NKAIN1: variants seen among roughly 807,000 people sequenced by gnomAD.
NKAIN1 encodes the protein sodium/potassium transporting ATPase interacting 1.
In NKAIN1, 13 loss-of-function variants were observed where a neutral mutation model predicts 31.6. The observed-to-expected ratio is 0.41, with a 90% CI of 0.27 to 0.65. The LOEUF (loss-of-function observed/expected upper bound fraction) is 0.65, where lower values mean the gene tolerates loss of function less well. Ranked by LOEUF, NKAIN1 falls within the 30% of genes least tolerant of loss-of-function variation. The pLI is 0.30. For synonymous variants in NKAIN1, 104 were observed against 109.0 expected, an observed-to-expected ratio of 0.95 and a Z score of 0.28; for missense variants, 193 against 262.2, an observed-to-expected ratio of 0.74 and a Z score of 1.82.
intron 1 of NKAIN1, among the ~76,000 whole-genome samples, chr1:31,238,706 G>C (rs946402895): frequency 1.3e-5 from 2 of 152,136 alleles, no homozygotes; most frequent in Non-Finnish European, 2.9e-5. Context: ...TGCTGGCCCC[G>C]GCAGAGGAGC....
At chr1:31,230,422 T>C (rs1029855021) in intron 1 of NKAIN1, among the ~76,000 whole-genome samples, 1 of 152,212 alleles carries the variant, frequency 6.6e-6, no homozygotes, top group African/African-American at 2.4e-5. Context: ...CAGTTCCCAG[T>C]CCACCTCCTT....
chr1:31,222,281 C>G (rs1645570729), intron 1 of NKAIN1, among the ~76,000 whole-genome samples: 1 of 152,232 alleles, frequency 6.6e-6, no homozygotes, highest in Non-Finnish European at 1.5e-5. Flanking sequence ...TGGAGACTCC[C>G]TCCAGCTGGA....
chr1:31,195,944 A>G (rs1645323328), intron 1 of NKAIN1, among the ~76,000 whole-genome samples: 1 of 150,118 alleles, frequency 6.7e-6, no homozygotes, highest in African/African-American at 2.4e-5. Flanking sequence ...TATCAGCCTT[A>G]TCTATCTCAA....
At chr1:31,205,580 T>C (rs1490315293) in intron 1 of NKAIN1, among the ~76,000 whole-genome samples, 2 of 150,976 alleles carry the variant, frequency 1.3e-5, no homozygotes. Flanking sequence ...GTGCTGGGAT[T>C]ACAGGCGTGA....
rs1396397069 is a variant in NKAIN1, at chr1:31,232,402, T to C, written c.54+7092A>G. Among the ~76,000 whole-genome samples the C allele has an allele frequency of 1.1e-3, 26 of 23,198 alleles. 1 individual carries two copies. The highest frequency in any genetic ancestry group is 3.0e-3 in the African/African-American group (24 of 7,980). 15.2% of individuals were successfully genotyped at this position (23,198 alleles called of 152,430 possible). A position where few individuals can be genotyped will look rare whatever the true frequency, so the allele number is the denominator to read the frequency against. ...CACCGTGTCTGGCCTACTTCATATA[T>C]ATATATATATATATATATATATAGA... On this transcript the variant is annotated intron_variant, in intron 1 of 6. Transcript: ENST00000373736.
Position 31,181,961 on chromosome 1 carries a change from C to T in NKAIN1, c.533-20G>A, listed in dbSNP as rs774067193. On this transcript the variant is annotated intron_variant, in intron 5 of 6. Coordinates refer to ENST00000373736, the MANE Select transcript of NKAIN1 (RefSeq NM_024522.3). ...AGTCAACTGCGGAAGAGGGGCGGCG[C>T]ATGTTAGGGATCGGCGGCGGGGGCG... 1 of 1,598,032 alleles carries T rather than the reference C, an allele frequency of 6.3e-7. No homozygotes were observed. Among genetic ancestry groups the T allele is most frequent in the East Asian group, 2.3e-5 (1 of 44,346 alleles).
Position 31,191,204 on chromosome 1 carries a change from T to C in NKAIN1, c.55-3017A>G, listed in dbSNP as rs111606403. 4.5e-3 allele frequency among the ~76,000 whole-genome samples: 683 copies of C among 151,892 alleles called. 4 individuals carry two copies. Among genetic ancestry groups the C allele is most frequent in the Non-Finnish European group, 7.6e-3 (516 of 67,948 alleles). ...AGATTGGGAGGCTGAGGGAGGAGAA[T>C]TGCTTGAGCCTGGGAGGCAGAGGCT... On this transcript the variant is annotated intron_variant, in intron 1 of 6. Transcript: ENST00000373736.
At chr1:31,205,290 C>T (rs1183312442) in intron 1 of NKAIN1, among the ~76,000 whole-genome samples, 1 of 151,690 alleles carries the variant, frequency 6.6e-6, no homozygotes, top group Non-Finnish European at 1.5e-5. Flanking sequence ...GCCACCACAC[C>T]CAGCTAATTT....
At chr1:31,207,378 G>A (rs1645433248) in intron 1 of NKAIN1, among the ~76,000 whole-genome samples, 1 of 151,752 alleles carries the variant, frequency 6.6e-6, no homozygotes, top group Admixed American at 6.5e-5. Context: ...GGGAATATGT[G>A]TCAAATGTTC....
chr1:31,205,755 T>G (rs560896158), intron 1 of NKAIN1, among the ~76,000 whole-genome samples: 1 of 151,062 alleles, frequency 6.6e-6, no homozygotes, highest in South Asian at 2.1e-4. Flanking sequence ...CCCAAGTAGC[T>G]GGGATTACAG....
chr1:31,215,874 G>T (rs7520439), intron 1 of NKAIN1, among the ~76,000 whole-genome samples: 1 of 151,928 alleles, frequency 6.6e-6, no homozygotes, highest in Non-Finnish European at 1.5e-5. Flanking sequence ...CAATGGCTAA[G>T]ATATGCACAT....
chr1:31,223,819 A>C (rs1463037298), intron 1 of NKAIN1, among the ~76,000 whole-genome samples: 2 of 152,198 alleles, frequency 1.3e-5, no homozygotes, highest in Non-Finnish European at 2.9e-5. Flanking sequence ...TGCTTCCTCC[A>C]GGTAATCTGC....
At chr1:31,196,694 T>C (rs1309811906) in intron 1 of NKAIN1, among the ~76,000 whole-genome samples, 1 of 135,468 alleles carries the variant, frequency 7.4e-6, no homozygotes, top group Non-Finnish European at 1.5e-5. Context: ...AGATTCCATC[T>C]CAAAAATAAA....
chr1:31,212,950 T>C (rs1261040838), intron 1 of NKAIN1, among the ~76,000 whole-genome samples: 1 of 151,848 alleles, frequency 6.6e-6, no homozygotes, highest in Non-Finnish European at 1.5e-5. Flanking sequence ...TGAGCCAAGA[T>C]TGTGCCACTG....
At chr1:31,215,080 GA>G (rs11338286) in intron 1 of NKAIN1, among the ~76,000 whole-genome samples, 75,442 of 152,022 alleles carry the variant, frequency 0.5, 19,761 homozygotes, top group Non-Finnish European at 0.57. Context: ...CGTGGGAGGA[GA>G]AAAAAATCCA....
In NKAIN1 at chr1:31,239,051, C is replaced by T. The variant is rs1365292793; in HGVS notation, c.54+443G>A. On this transcript the variant is annotated intron_variant, in intron 1 of 6. Coordinates refer to ENST00000373736, the MANE Select transcript of NKAIN1 (RefSeq NM_024522.3). The surrounding 1 kb of genome is among the most constrained non-coding windows in gnomAD (Gnocchi z 4.8). The stretch of plus-strand genomic sequence containing the variant: ...AGAGACTTTGTGAGAAACGCTCACA[C>T]AGGGGTGGTGATCAGAGGCAGAGAC... Among the ~76,000 whole-genome samples the T allele has an allele frequency of 6.6e-6, 1 of 152,118 alleles. No homozygotes were observed. Among genetic ancestry groups the T allele is most frequent in the Non-Finnish European group, 1.5e-5 (1 of 68,030 alleles).
At chr1:31,203,140 CT>C (rs1460586993) in intron 1 of NKAIN1, among the ~76,000 whole-genome samples, 1 of 151,548 alleles carries the variant, frequency 6.6e-6, no homozygotes, top group Non-Finnish European at 1.5e-5. Context: ...GGCATGGTGG[CT>C]GTAATCCCAG....
In NKAIN1 at chr1:31,233,656, G is replaced by A. The variant is rs1052519275; in HGVS notation, c.54+5838C>T. On this transcript the variant is annotated intron_variant, in intron 1 of 6. Transcript: ENST00000373736. This position sits in a 1 kb window ranked among gnomAD's most constrained non-coding sequence, Gnocchi z 4.0. ...ATAAAGAAGAGCTGGAGTGTTTGTG[G>A]GAATGACCCTGATCACGAAATCCTC... 1.3e-5 allele frequency among the ~76,000 whole-genome samples: 2 copies of A among 152,290 alleles called. No homozygotes were observed. Among genetic ancestry groups the A allele is most frequent in the South Asian group, 4.1e-4 (2 of 4,826 alleles).
chr1:31,232,424 T>TATATATATAGAGAGAG (rs1313157898), intron 1 of NKAIN1, among the ~76,000 whole-genome samples: 6 of 16,924 alleles, frequency 3.5e-4, no homozygotes, highest in Non-Finnish European at 4.6e-4. Flanking sequence ...TATATATATA[T>TATATATATAGAGAGAG]AGAGAGAGAG....
Sources: allele counts gnomAD v4.1 joint callset (sites outside exome capture counted in the v4.1 genomes callset), GRCh38; gene constraint gnomAD v4.1.1; non-coding constraint Gnocchi (gnomAD v3.1); transcripts MANE v1.5; gene names NCBI Gene and HGNC (gene_info 2026-07-23, HGNC 2026-07-21).